The following PLS1 variants were observed in gnomAD, a reference collection of about 807,000 sequenced individuals.
PLS1 encodes plastin-1.
In PLS1, 32 loss-of-function variants were observed where a neutral mutation model predicts 73.7. The ratio of observed to expected loss-of-function variants is 0.43; its 90% CI spans 0.33 to 0.58. The LOEUF (loss-of-function observed/expected upper bound fraction) is 0.58, where lower values mean the gene tolerates loss of function less well. PLS1 is among the 20% of genes least tolerant of loss of function. PLS1 has a pLI of 0.04. For synonymous variants in PLS1, 217 were observed against 261.3 expected (o/e 0.83, Z 1.63); for missense variants, 633 against 740.5 (o/e 0.85, Z 1.68).
At chr3:142,633,115 A>G (rs999253560) in intron 1 of PLS1, among the ~76,000 whole-genome samples, 2 of 152,222 alleles carry the variant, frequency 1.3e-5, no homozygotes, top group Non-Finnish European at 2.9e-5. Context: ...TTACTAAGCA[A>G]AATAAACCAG....
At chr3:142,602,687 T>A (rs940684340) in intron 1 of PLS1, among the ~76,000 whole-genome samples, 1 of 151,924 alleles carries the variant, frequency 6.6e-6, no homozygotes, top group Non-Finnish European at 1.5e-5. Context: ...CATAGAGAAC[T>A]TACTCTCCTG....
At chr3:142,620,122 C>CTT (rs879749321) in intron 1 of PLS1, among the ~76,000 whole-genome samples, 3 of 143,950 alleles carry the variant, frequency 2.1e-5, no homozygotes, top group Non-Finnish European at 3.1e-5. Context: ...GAGAAGTAGA[C>CTT]TTTTTTTTTT....
intron 6 of PLS1, among the ~76,000 whole-genome samples, chr3:142,680,611 G>C (rs2037831226): frequency 6.6e-6 from 1 of 152,130 alleles, no homozygotes; most frequent in Non-Finnish European, 1.5e-5. Flanking sequence ...TTGTTCTGTA[G>C]TTGGCTCCTC....
At chr3:142,678,843 G>A (rs909219061) in intron 6 of PLS1, among the ~76,000 whole-genome samples, 24 of 151,638 alleles carry the variant, frequency 1.6e-4, no homozygotes, top group African/African-American at 3.9e-4. Flanking sequence ...CTGACGAATC[G>A]CCACACTGAC....
At chr3:142,618,505 G>A (rs368395417) in intron 1 of PLS1, among the ~76,000 whole-genome samples, 6 of 152,216 alleles carry the variant, frequency 3.9e-5, no homozygotes, top group East Asian at 3.8e-4. Context: ...GCAGGACTGC[G>A]TTCCTTTCTG....
intron 1 of PLS1, among the ~76,000 whole-genome samples, chr3:142,646,543 A>G (rs1309643097): frequency 6.6e-6 from 1 of 152,268 alleles, no homozygotes; most frequent in Non-Finnish European, 1.5e-5. Context: ...TCTTCCTGAT[A>G]TCCCTTTACT....
chr3:142,641,245 A>C (rs577890930), intron 1 of PLS1, among the ~76,000 whole-genome samples: 2 of 145,264 alleles, frequency 1.4e-5, no homozygotes, highest in East Asian at 3.9e-4. Context: ...CTATATATCT[A>C]TATATCTCTC....
In PLS1 at chr3:142,704,601, TA is replaced by T. The variant is rs761490718; in HGVS notation, c.1629+23del. ...CCAGCTTCAAGGTAATCAAGAGTCC[TA>T]AAAAAAATTTTTTTTTGTAGGTATA... On this transcript the variant is annotated intron_variant, in intron 14 of 15. Coordinates refer to ENST00000457734, the MANE Select transcript of PLS1 (RefSeq NM_001145319.2). 205 of 1,051,888 alleles carry T rather than the reference TA, an allele frequency of 1.9e-4. No homozygotes were observed. Among genetic ancestry groups the T allele is most frequent in the African/African-American group, 1.5e-3 (85 of 58,136 alleles). 65.2% of individuals were successfully genotyped at this position (1,051,888 alleles called of 1,614,324 possible).
At chr3:142,677,766 C>G (rs929870047) in intron 5 of PLS1, among the ~76,000 whole-genome samples, 26 of 151,942 alleles carry the variant, frequency 1.7e-4, no homozygotes, top group Non-Finnish European at 2.1e-4. Context: ...GAATTAAGTT[C>G]CGGCATGAAT....
rs529714266 is a variant in PLS1 at position 142,633,548 on chromosome 3, C to CG, written c.-36-30648dup. On this transcript the variant is annotated intron_variant, in intron 1 of 15. Coordinates refer to ENST00000457734, the MANE Select transcript of PLS1 (RefSeq NM_001145319.2). ...GCAGGCACCTGTAATCCCAGCTACT[C>CG]GGGGGGCTGAGGCAAGAGAATCACT... Among the ~76,000 whole-genome samples, 44 of 152,102 alleles carry CG rather than the reference C, an allele frequency of 2.9e-4. No homozygotes were observed. The East Asian group carries it at 4.4e-3, about 15-fold the overall frequency.
intron 1 of PLS1, among the ~76,000 whole-genome samples, chr3:142,613,782 C>T (rs2036164927): frequency 6.6e-6 from 1 of 152,186 alleles, no homozygotes; most frequent in African/African-American, 2.4e-5. Context: ...GATCTTTGTA[C>T]ACTTTTATTG....
chr3:142,689,926 G>T, intron 10 of PLS1, 113 bp downstream of exon 10: 1 of 598,592 alleles, frequency 1.7e-6, no homozygotes. Context: ...AGTGTGTGTA[G>T]GTATGTGTAT....
intron 6 of PLS1, 109 bp downstream of exon 6, chr3:142,678,222 A>G (rs944746030): frequency 1.4e-5 from 6 of 436,864 alleles, no homozygotes; most frequent in African/African-American, 8.3e-5. Flanking sequence ...TTGTAATGCT[A>G]TTCTCCTATA....
intron 1 of PLS1, among the ~76,000 whole-genome samples, chr3:142,628,163 A>G (rs1205452638): frequency 6.6e-6 from 1 of 152,170 alleles, no homozygotes; most frequent in Non-Finnish European, 1.5e-5. Flanking sequence ...GCCATTCAGG[A>G]GTCAGTTCGG....
chr3:142,623,094 G>C (rs907709352), intron 1 of PLS1, among the ~76,000 whole-genome samples: 5 of 152,132 alleles, frequency 3.3e-5, no homozygotes, highest in African/African-American at 1.2e-4. Flanking sequence ...AAGTAGCTGA[G>C]ATTATAAGCA....
chr3:142,672,776 A>C (rs34046178), intron 4 of PLS1, among the ~76,000 whole-genome samples: 3 of 152,230 alleles, frequency 2.0e-5, no homozygotes, highest in African/African-American at 7.2e-5. Context: ...ATTGAGATAT[A>C]ATTGACATAC....
intron 1 of PLS1, chr3:142,654,676 T>A (rs2037180971): frequency 6.6e-6 from 1 of 152,194 alleles, no homozygotes; most frequent in Non-Finnish European, 1.5e-5. Flanking sequence ...TTTGATAGAT[T>A]TAGAAGAAAC....
At chr3:142,644,414 C>G (rs1418815188) in intron 1 of PLS1, among the ~76,000 whole-genome samples, 1 of 151,966 alleles carries the variant, frequency 6.6e-6, no homozygotes, top group Non-Finnish European at 1.5e-5. Flanking sequence ...CCACGCCTGG[C>G]TAATTTATTT....
At chr3:142,617,014 A>G (rs567677468) in intron 1 of PLS1, among the ~76,000 whole-genome samples, 2 of 152,316 alleles carry the variant, frequency 1.3e-5, no homozygotes, top group East Asian at 1.9e-4. Context: ...TCAAATCACA[A>G]TGGACCATTG....
Sources: allele counts gnomAD v4.1 joint callset (sites outside exome capture counted in the v4.1 genomes callset), GRCh38; gene constraint gnomAD v4.1.1; transcripts MANE v1.5; gene names NCBI Gene and HGNC (gene_info 2026-07-23, HGNC 2026-07-21).